Variants in ARFGAP1 observed in about 807,000 individuals in gnomAD.
ARFGAP1 encodes the protein ADP-ribosylation factor GTPase-activating protein 1.
ARFGAP1 carries 26 observed loss-of-function variants against 54.0 expected under a neutral mutation model. That is an observed-to-expected ratio of 0.48 (90% CI 0.35 to 0.67). The LOEUF is 0.67. Among genes scored for constraint, ARFGAP1 ranks in the 30% least tolerant of loss-of-function variants. ARFGAP1 has a pLI of 0.00. For synonymous variants in ARFGAP1, 248 were observed against 211.9 expected (o/e 1.17, Z -1.48); for missense variants, 525 against 535.8 (o/e 0.98, Z 0.20).
intron 8 of ARFGAP1, 108 bp from the exon 9 acceptor site, chr20:63,282,711 C>T (rs373588788): frequency 4.2e-5 from 49 of 1,163,824 alleles, no homozygotes; most frequent in South Asian, 2.7e-4. Flanking sequence ...GCTGGCAGCC[C>T]GGGGGCCATT....
intron 12 of ARFGAP1, 61 bp downstream of exon 12, chr20:63,286,503 C>T (rs1402345791): frequency 7.4e-6 from 11 of 1,491,952 alleles, no homozygotes; most frequent in Non-Finnish European, 9.2e-6. Flanking sequence ...ACTCCTCCTA[C>T]AGGCTCTCCA....
In ARFGAP1 at chr20:63,276,543, T is replaced by C; in HGVS notation, c.234T>C (p.Gly78=). Residue 78 remains glycine (G), a synonymous_variant, in exon 4 of 13, where the codon GGT becomes GGC. Coordinates refer to ENST00000370283, the MANE Select transcript of ARFGAP1 (RefSeq NM_018209.4). This position sits in a 1 kb window ranked among gnomAD's most constrained non-coding sequence, Gnocchi z 5.2. The part of the protein sequence containing the change: ...KDIELEKMKA[G]GNAKFREFLE... Reference sequence around the variant, plus strand: ...TTGAGCTTGAGAAGATGAAAGCTGGTGGGAATGCTAAGTTCCGAGAGTTCC... The same window carrying C: ...TTGAGCTTGAGAAGATGAAAGCTGGCGGGAATGCTAAGTTCCGAGAGTTCC... 1 of 1,614,074 alleles carries C rather than the reference T, an allele frequency of 6.2e-7. No individual in the cohort carries two copies.
intron 9 of ARFGAP1, chr20:63,284,402 A>G: frequency 2.8e-6 from 3 of 1,070,498 alleles, no homozygotes; most frequent in Non-Finnish European, 3.4e-6. Flanking sequence ...CAGGATCAGG[A>G]GAGGCTGAGC....
At position 63,283,069 on chromosome 20, in the gene ARFGAP1, C is replaced by T. The variant is rs550128062; in HGVS notation, c.717+218C>T. On this transcript the variant is annotated intron_variant, in intron 9 of 12. Coordinates refer to ENST00000370283, the MANE Select transcript of ARFGAP1 (RefSeq NM_018209.4). ...CACTCAGGGCCTGCAGGGCCAAACTCGTTTCCTGTTCACTGGTAGCTGGTA... is the reference window on the plus strand; with the variant it reads ...CACTCAGGGCCTGCAGGGCCAAACTTGTTTCCTGTTCACTGGTAGCTGGTA... 7 of 586,694 alleles carry T rather than the reference C, an allele frequency of 1.2e-5. No individual in the cohort carries two copies. In the East Asian group the frequency reaches 1.7e-4, roughly 14 times the overall value. 36.3% of individuals were successfully genotyped at this position (586,694 alleles called of 1,614,324 possible).
At chr20:63,279,130 C>T in intron 7 of ARFGAP1, 135 bp downstream of exon 7, 1 of 869,212 alleles carries the variant, frequency 1.2e-6, no homozygotes, top group Non-Finnish European at 1.9e-6. Context: ...CCCTCCCTTA[C>T]CTTCAGCGAC....
intron 11 of ARFGAP1, chr20:63,286,036 T>G (rs1407017178): frequency 2.6e-6 from 4 of 1,547,638 alleles, no homozygotes; most frequent in East Asian, 4.9e-5. Context: ...ATTTGGGGCG[T>G]GCATTTTGTC....
At chr20:63,281,857 G>A (rs1378033907) in intron 8 of ARFGAP1, among the ~76,000 whole-genome samples, 1 of 152,202 alleles carries the variant, frequency 6.6e-6, no homozygotes, top group African/African-American at 2.4e-5. Context: ...TGGGCCCCCG[G>A]GGGCTGGGCT....
chr20:63,286,565 C>T lies in ARFGAP1; in HGVS notation c.911+123C>T, dbSNP rs983738128. The T allele has an allele frequency of 4.4e-5, 42 of 959,140 alleles. No homozygotes were observed. The African/African-American group carries it at 6.9e-4, about 16-fold the overall frequency. 59.4% of individuals were successfully genotyped at this position (959,140 alleles called of 1,614,324 possible). On this transcript the variant is annotated intron_variant, in intron 12 of 12. Coordinates refer to ENST00000370283, the MANE Select transcript of ARFGAP1 (RefSeq NM_018209.4). ...AGGGAAGGGGCACTGTGGAGGCTCTCCGGGAGGTGGCTGGCATCCTTGCTG... is the reference window on the plus strand; with the variant it reads ...AGGGAAGGGGCACTGTGGAGGCTCTTCGGGAGGTGGCTGGCATCCTTGCTG...
In ARFGAP1 at chr20:63,288,194, C is replaced by G; in HGVS notation, c.*321C>G. On this transcript the variant is annotated 3_prime_UTR_variant, in exon 13 of 13. Coordinates refer to ENST00000370283, the MANE Select transcript of ARFGAP1 (RefSeq NM_018209.4). ...CAGCACAGAGGCCTGTGACTGCGTTCCAGCGGCCAGTTCACTACGCAGTAT... is the reference window on the plus strand; with the variant it reads ...CAGCACAGAGGCCTGTGACTGCGTTGCAGCGGCCAGTTCACTACGCAGTAT... 1.8e-6 allele frequency: 1 copy of G among 567,188 alleles called. No individual in the cohort carries two copies. The highest frequency in any genetic ancestry group is 1.7e-5 in the South Asian group (1 of 57,722). The allele number at this position is 567,188 out of a possible 1,614,324, so 35.1% of individuals were successfully genotyped here.
chr20:63,275,646 C>T lies in ARFGAP1; in HGVS notation c.60+6C>T. On this transcript the variant is annotated splice_donor_region_variant and intron_variant, in intron 2 of 12. Coordinates refer to ENST00000370283, the MANE Select transcript of ARFGAP1 (RefSeq NM_018209.4). Reference sequence around the variant, plus strand: ...GGGTGCAGGATGAGAACAACGTAAGCCTCTGCCCCCCACCCCCCGCCCTAA... The same window carrying T: ...GGGTGCAGGATGAGAACAACGTAAGTCTCTGCCCCCCACCCCCCGCCCTAA... 6.2e-7 allele frequency: 1 copy of T among 1,613,442 alleles called. No homozygotes were observed. The highest frequency in any genetic ancestry group is 1.7e-4 in the Middle Eastern group (1 of 6,060).
At chr20:63,275,497 T>A (rs1423215640) in intron 1 of ARFGAP1, 80 bp from the exon 2 acceptor site, 4 of 1,360,364 alleles carry the variant, frequency 2.9e-6, no homozygotes, top group Non-Finnish European at 3.1e-6. Context: ...TGTTGTGTGG[T>A]GTTTTTGGAC....
At chr20:63,287,167 CAG>C (rs1230503659) in intron 12 of ARFGAP1, among the ~76,000 whole-genome samples, 5 of 152,380 alleles carry the variant, frequency 3.3e-5, no homozygotes, top group African/African-American at 1.2e-4. Context: ...CAGCTGAGGA[CAG>C]AGGGCAGGGC....
chr20:63,285,034 A>C (rs2123301966), intron 10 of ARFGAP1, 112 bp downstream of exon 10: 1 of 1,259,316 alleles, frequency 7.9e-7, no homozygotes, highest in Non-Finnish European at 1.1e-6. Context: ...CAGCGAGGCC[A>C]AGCCTCACAC....
Position 63,276,414 on chromosome 20 carries a change from G to A in ARFGAP1, c.171-66G>A. ...TGCTGTGTCTAATTCTCAGGACGATGCTGGGTGGAGGGTGTCCCTGGGTGT... is the reference window on the plus strand; with the variant it reads ...TGCTGTGTCTAATTCTCAGGACGATACTGGGTGGAGGGTGTCCCTGGGTGT... On this transcript the variant is annotated intron_variant, in intron 3 of 12. Transcript: ENST00000370283. This position sits in a 1 kb window ranked among gnomAD's most constrained non-coding sequence, Gnocchi z 5.2. 3.8e-6 allele frequency: 6 copies of A among 1,559,606 alleles called. No homozygotes were observed. In the South Asian group the frequency reaches 7.3e-5, roughly 19 times the overall value.
Position 63,276,666 on chromosome 20 carries a change from G to C in ARFGAP1, c.342+15G>C, listed in dbSNP as rs200147733. The C allele has an allele frequency of 1.3e-6, 2 of 1,590,912 alleles. No homozygotes were observed. Among genetic ancestry groups the C allele is most frequent in the African/African-American group, 1.3e-5 (1 of 74,578 alleles). On this transcript the variant is annotated intron_variant, in intron 4 of 12. Transcript: ENST00000370283. The surrounding 1 kb of genome is among the most constrained non-coding windows in gnomAD (Gnocchi z 5.2). ...TTAGGGATAAGGTAGAGATGGGCCC[G>C]ATTCACTCTTGCCCATGGTGTGGGG... is the stretch of plus-strand genomic sequence containing the variant.
At chr20:63,285,028 G>A (rs970947365) in intron 10 of ARFGAP1, 106 bp downstream of exon 10, 90 of 1,338,952 alleles carry the variant, frequency 6.7e-5, no homozygotes, top group Non-Finnish European at 9.4e-5. Flanking sequence ...GGGACTCAGC[G>A]AGGCCAAGCC....
rs1450821229 is a variant in ARFGAP1 at position 63,276,426 on chromosome 20, G to A, written c.171-54G>A. ...TTCTCAGGACGATGCTGGGTGGAGGGTGTCCCTGGGTGTCCCCGGTGCTGG... is the reference window on the plus strand; with the variant it reads ...TTCTCAGGACGATGCTGGGTGGAGGATGTCCCTGGGTGTCCCCGGTGCTGG... On this transcript the variant is annotated intron_variant, in intron 3 of 12. Transcript: ENST00000370283. This position sits in a 1 kb window ranked among gnomAD's most constrained non-coding sequence, Gnocchi z 5.2. The A allele has an allele frequency of 2.5e-6, 4 of 1,569,966 alleles. No individual in the cohort carries two copies. Among genetic ancestry groups the A allele is most frequent in the Middle Eastern group, 1.8e-4 (1 of 5,658 alleles).
chr20:63,286,316 G>T (rs200450709), intron 11 of ARFGAP1, 50 bp from the exon 12 acceptor site: 3 of 1,605,968 alleles, frequency 1.9e-6, no homozygotes, highest in Non-Finnish European at 1.7e-6. Context: ...TCCTGAAGCT[G>T]CCTGTGCCGC....
intron 7 of ARFGAP1, chr20:63,279,372 A>G (rs2067320332): frequency 8.4e-6 from 3 of 358,410 alleles, no homozygotes; most frequent in South Asian, 6.4e-5. Context: ...CGTCAGGCTA[A>G]TTTTTGTATT....
Sources: gnomAD v4.1 joint callset for allele counts (sites outside exome capture counted in the v4.1 genomes callset) on GRCh38, gnomAD v4.1.1 for gene constraint, Gnocchi (gnomAD v3.1) non-coding constraint, MANE v1.5 for transcripts, NCBI Gene and HGNC (gene_info 2026-07-23, HGNC 2026-07-21) for gene names.